Variants in NALF1 observed in about 807,000 individuals in gnomAD.
NALF1 encodes NALCN channel auxiliary factor 1, also known as family with sequence similarity 155 member A.
In NALF1, 3 loss-of-function variants were observed where a neutral mutation model predicts 48.4. The ratio of observed to expected loss-of-function variants is 0.06; its 90% CI spans 0.03 to 0.16. The LOEUF is 0.16. Ranked by LOEUF, NALF1 falls within the 10% of genes least tolerant of loss-of-function variation. The pLI is 1.00. For missense variants in NALF1, 526 were observed against 571.5 expected (o/e 0.92, Z 0.81); for synonymous variants, 262 against 245.7 (o/e 1.07, Z -0.62).
intron 1 of NALF1, among the ~76,000 whole-genome samples, chr13:107,696,025 T>G (rs148493534): frequency 0.011 from 1,683 of 152,162 alleles, 13 homozygotes; most frequent in Non-Finnish European, 0.015. Flanking sequence ...GCCTCCTGAA[T>G]AGCTGGGATT....
intron 1 of NALF1, among the ~76,000 whole-genome samples, chr13:107,840,318 TA>T (rs1566502531): frequency 6.6e-6 from 1 of 152,116 alleles, no homozygotes; most frequent in African/African-American, 2.4e-5. Context: ...TCCCCAAAAA[TA>T]GTGGCTGCAA....
At chr13:107,465,802 G>A (rs896229680) in intron 1 of NALF1, among the ~76,000 whole-genome samples, 13 of 152,124 alleles carry the variant, frequency 8.5e-5, no homozygotes, top group African/African-American at 3.1e-4. Context: ...TTTTGCATCT[G>A]GTGAAAGCCT....
At chr13:107,582,338 C>T (rs1342762412) in intron 1 of NALF1, among the ~76,000 whole-genome samples, 4 of 152,138 alleles carry the variant, frequency 2.6e-5, no homozygotes, top group Admixed American at 6.6e-5. Context: ...CAGAGGGTAA[C>T]AAACATGACA....
intron 1 of NALF1, among the ~76,000 whole-genome samples, chr13:107,401,759 G>A (rs113120093): frequency 4.8e-4 from 73 of 151,790 alleles, no homozygotes; most frequent in African/African-American, 1.1e-3. Flanking sequence ...GAAATGGCAC[G>A]TGGTTGCACA....
intron 1 of NALF1, among the ~76,000 whole-genome samples, chr13:107,534,372 T>A (rs1876738871): frequency 6.6e-6 from 1 of 152,158 alleles, no homozygotes. Flanking sequence ...AAACTATTTG[T>A]AATTCAGTTA....
intron 1 of NALF1, among the ~76,000 whole-genome samples, chr13:107,615,835 A>G (rs960165081): frequency 6.6e-6 from 1 of 152,222 alleles, no homozygotes; most frequent in African/African-American, 2.4e-5. Context: ...GCAATATGGT[A>G]TCTGCTTGGT....
At chr13:107,305,229 T>A (rs1398128715) in intron 1 of NALF1, among the ~76,000 whole-genome samples, 1 of 152,138 alleles carries the variant, frequency 6.6e-6, no homozygotes. Context: ...AAAAAGCATA[T>A]TTTTTTCTTC....
intron 1 of NALF1, among the ~76,000 whole-genome samples, chr13:107,409,360 T>G (rs771713612): frequency 2.0e-5 from 3 of 152,034 alleles, no homozygotes; most frequent in Non-Finnish European, 4.4e-5. Context: ...TCACAATAAA[T>G]AATGCAGAAT....
intron 1 of NALF1, among the ~76,000 whole-genome samples, chr13:107,527,048 G>C (rs1438238088): frequency 2.0e-5 from 3 of 152,104 alleles, no homozygotes; most frequent in African/African-American, 7.2e-5. Context: ...AAGCCCCAAT[G>C]TTTGCAATGT....
intron 1 of NALF1, among the ~76,000 whole-genome samples, chr13:107,581,179 T>C (rs943585467): frequency 2.6e-5 from 4 of 152,194 alleles, no homozygotes; most frequent in African/African-American, 9.6e-5. Flanking sequence ...CTGACCACTG[T>C]TTCAAGACGG....
chr13:107,866,285 G>C lies in NALF1; in HGVS notation c.312C>G (p.Pro104=), dbSNP rs369979107. ...ACTCCCCCATGCTCGCCAGGAGCGC[G>C]GGCCAGGAGGGCTCCTGCTGCCGCC... ...QQRRQQEPSW[P]ALLASMGESS... is the part of the protein sequence containing the mutation. Residue 104 remains proline (P), a synonymous_variant, in exon 1 of 3, where the codon CCC becomes CCG. Coordinates refer to ENST00000375915, the MANE Select transcript of NALF1 (RefSeq NM_001080396.3). The surrounding 1 kb of genome is among the most constrained non-coding windows in gnomAD (Gnocchi z 4.4). The C allele has an allele frequency of 3.7e-6, 6 of 1,601,482 alleles. No homozygotes were observed. The highest frequency in any genetic ancestry group is 5.1e-6 in the Non-Finnish European group (6 of 1,176,144).
At chr13:107,707,381 TA>T (rs1276924641) in intron 1 of NALF1, among the ~76,000 whole-genome samples, 1 of 152,206 alleles carries the variant, frequency 6.6e-6, no homozygotes, top group Non-Finnish European at 1.5e-5. Context: ...ATAGGACTTT[TA>T]AAATTGTTTT....
chr13:107,235,571 C>T (rs1399884794), intron 1 of NALF1, among the ~76,000 whole-genome samples: 5 of 152,278 alleles, frequency 3.3e-5, no homozygotes. Context: ...AAAGTAAGTT[C>T]TATGCAAATA....
At chr13:107,624,062 A>G (rs961975319) in intron 1 of NALF1, among the ~76,000 whole-genome samples, 2 of 152,164 alleles carry the variant, frequency 1.3e-5, no homozygotes, top group Non-Finnish European at 2.9e-5. Context: ...ATTGGTAAAA[A>G]TGTTCTGGAA....
intron 1 of NALF1, among the ~76,000 whole-genome samples, chr13:107,369,933 A>G (rs1408599298): frequency 6.6e-6 from 1 of 152,208 alleles, no homozygotes; most frequent in East Asian, 1.9e-4. Flanking sequence ...CCAAAGGAGA[A>G]ATAGAAAATA....
intron 1 of NALF1, among the ~76,000 whole-genome samples, chr13:107,692,499 T>C (rs1036898445): frequency 2.0e-5 from 3 of 152,210 alleles, no homozygotes; most frequent in Admixed American, 1.3e-4. Context: ...CTTTATATTA[T>C]GCCAATCTGG....
intron 1 of NALF1, among the ~76,000 whole-genome samples, chr13:107,443,257 C>T (rs1277833892): frequency 6.6e-6 from 1 of 151,740 alleles, no homozygotes; most frequent in Non-Finnish European, 1.5e-5. Flanking sequence ...GATCTGTCAC[C>T]CAGGCTGGAG....
At chr13:107,179,563 A>C (rs1435433875) in intron 2 of NALF1, among the ~76,000 whole-genome samples, 2 of 151,614 alleles carry the variant, frequency 1.3e-5, no homozygotes, top group Non-Finnish European at 2.9e-5. Flanking sequence ...GGGGGTGGGT[A>C]CCCCATTTAC....
At chr13:107,371,590 G>A (rs1278321970) in intron 1 of NALF1, among the ~76,000 whole-genome samples, 1 of 152,078 alleles carries the variant, frequency 6.6e-6, no homozygotes, top group Non-Finnish European at 1.5e-5. Flanking sequence ...TTATGATAAA[G>A]TCAACTAACC....
Sources: gnomAD v4.1 joint callset for allele counts (sites outside exome capture counted in the v4.1 genomes callset) on GRCh38, gnomAD v4.1.1 for gene constraint, Gnocchi (gnomAD v3.1) non-coding constraint, MANE v1.5 for transcripts, NCBI Gene and HGNC (gene_info 2026-07-23, HGNC 2026-07-21) for gene names.